ZZEF1: variants seen among roughly 807,000 people sequenced by gnomAD.
The protein encoded by ZZEF1 is zinc finger ZZ-type and EF-hand domain containing 1, also known as zinc finger ZZ-type and EF-hand domain-containing protein 1.
A neutral mutation model predicts 342.8 loss-of-function variants in ZZEF1; 157 were observed. The ratio of observed to expected loss-of-function variants is 0.46; its 90% CI spans 0.40 to 0.52. The LOEUF (loss-of-function observed/expected upper bound fraction) is 0.52. Ranked by LOEUF, ZZEF1 falls within the 20% of genes least tolerant of loss-of-function variation. ZZEF1 has a pLI of 0.00. For synonymous variants in ZZEF1, 1,505 were observed against 1,429.1 expected, an observed-to-expected ratio of 1.05 and a Z score of -1.20; for missense variants, 3,480 against 3,725.6, an observed-to-expected ratio of 0.93 and a Z score of 1.72.
In ZZEF1 at chr17:4,009,663, G is replaced by A. The variant is rs753428380; in HGVS notation, c.8674C>T (p.Leu2892Phe). The change falls in exon 53 of 55, where the codon CTC becomes TTC. Residue 2892 changes from leucine (L) to phenylalanine (F), a missense_variant. Around this residue, in one of 5 missense-constraint regions of ZZEF1, gnomAD observed 1,269 missense variants for 1,342.4 expected, o/e 0.95. Coordinates refer to ENST00000381638, the MANE Select transcript of ZZEF1 (RefSeq NM_015113.4). The part of the protein sequence containing the change: ...LFEDVTQPGI[L>F]LPLHRALTEL... ...GTGAGGGCACGATGCAGGGGAAGGA[G>A]GATGCCGGGCTGCGTCACGTCCTCA... 2.5e-6 allele frequency: 4 copies of A among 1,614,136 alleles called. No homozygotes were observed.
intron 36 of ZZEF1, among the ~76,000 whole-genome samples, chr17:4,050,389 A>G (rs1453543125): frequency 1.3e-5 from 2 of 152,208 alleles, no homozygotes; most frequent in Non-Finnish European, 2.9e-5. Flanking sequence ...ATATTGCTAA[A>G]CTATTTTACT....
intron 5 of ZZEF1, among the ~76,000 whole-genome samples, chr17:4,111,076 T>C (rs1208345519): frequency 6.6e-6 from 1 of 152,282 alleles, no homozygotes; most frequent in Non-Finnish European, 1.5e-5. Flanking sequence ...CTCTAAAAAA[T>C]TACAAAAGAA....
chr17:4,100,309 T>C (rs536552204), intron 9 of ZZEF1, among the ~76,000 whole-genome samples: 2 of 152,308 alleles, frequency 1.3e-5, no homozygotes, highest in South Asian at 4.1e-4. Flanking sequence ...TTACAAGCAA[T>C]AGATAGTGAT....
chr17:4,007,631 G>A (rs557590605), intron 54 of ZZEF1, among the ~76,000 whole-genome samples: 7 of 152,266 alleles, frequency 4.6e-5, no homozygotes, highest in South Asian at 2.1e-4. Context: ...TCAAAATTTC[G>A]TTACATGATG....
At chr17:4,092,987 T>C (rs941833065) in intron 11 of ZZEF1, among the ~76,000 whole-genome samples, 2 of 140,884 alleles carry the variant, frequency 1.4e-5, no homozygotes, top group Non-Finnish European at 3.1e-5. Context: ...AAAAAGAAAA[T>C]GCATGCACAT....
Position 4,105,816 on chromosome 17 carries a change from G to A in ZZEF1, c.1278-7C>T. On this transcript the variant is annotated splice_region_variant and splice_polypyrimidine_tract_variant and intron_variant, in intron 6 of 54. Coordinates refer to ENST00000381638, the MANE Select transcript of ZZEF1 (RefSeq NM_015113.4). ...CATGTGCCGCAGCGCCTTCCTAGAA[G>A]AGGAAAATGTAAAATGTAATCAGAA... The A allele has an allele frequency of 6.3e-7, 1 of 1,591,542 alleles. No individual in the cohort carries two copies. The highest frequency in any genetic ancestry group is 2.2e-5 in the East Asian group (1 of 44,502).
intron 26 of ZZEF1, among the ~76,000 whole-genome samples, chr17:4,068,339 G>A (rs577371881): frequency 2.6e-5 from 4 of 152,070 alleles, no homozygotes; most frequent in Non-Finnish European, 5.9e-5. Context: ...GTGCAATGGC[G>A]CGATCTTGGC....
intron 1 of ZZEF1, among the ~76,000 whole-genome samples, chr17:4,125,388 A>G (rs2058557785): frequency 6.6e-6 from 1 of 152,190 alleles, no homozygotes; most frequent in African/African-American, 2.4e-5. Context: ...ACTAACATAA[A>G]TACCCCTATT....
chr17:4,119,073 T>C (rs62071008), intron 2 of ZZEF1, among the ~76,000 whole-genome samples: 1,567 of 152,250 alleles, frequency 0.01, 12 homozygotes, highest in Non-Finnish European at 0.014. Context: ...TGAAGGCAAA[T>C]TGCTTCTGGT....
chr17:4,011,035 C>T (rs1310617128), intron 52 of ZZEF1, among the ~76,000 whole-genome samples: 1 of 151,538 alleles, frequency 6.6e-6, no homozygotes, highest in Non-Finnish European at 1.5e-5. Context: ...GCTGCAGTGG[C>T]TATGATGGTG....
chr17:4,067,219 G>A lies in ZZEF1; in HGVS notation c.4099C>T (p.Leu1367=). Residue 1367 remains leucine, a synonymous_variant, in exon 27 of 55, where the codon CTG becomes TTG. Transcript: ENST00000381638. ...TAAACCTGGGCAAACTCTTCACTCAGGGCTATTTTGCCCCCACTGTTGACT... is the reference window on the plus strand; with the variant it reads ...TAAACCTGGGCAAACTCTTCACTCAAGGCTATTTTGCCCCCACTGTTGACT... ...KYVNSGGKIA[L]SEEFAQVYSL... 1.2e-6 allele frequency: 2 copies of A among 1,613,110 alleles called. No individual in the cohort carries two copies. The highest frequency in any genetic ancestry group is 2.7e-5 in the African/African-American group (2 of 74,960).
Position 4,067,061 on chromosome 17 carries a change from C to G in ZZEF1, c.4155+102G>C. 3.1e-6 allele frequency: 3 copies of G among 973,884 alleles called. No homozygotes were observed. In the Admixed American group the frequency reaches 8.2e-5, roughly 27 times the overall value. The allele number at this position is 973,884 out of a possible 1,614,324, so 60.3% of individuals were successfully genotyped here. On this transcript the variant is annotated intron_variant, in intron 27 of 54. Transcript: ENST00000381638. Reference sequence around the variant, plus strand: ...CACTAAACTTTAGCTTAACAAAAATCCTAAAGCTATATTCTTGAGAAGAGA... The same window carrying G: ...CACTAAACTTTAGCTTAACAAAAATGCTAAAGCTATATTCTTGAGAAGAGA...
At chr17:4,113,704 T>C (rs1298725901) in intron 4 of ZZEF1, among the ~76,000 whole-genome samples, 1 of 150,386 alleles carries the variant, frequency 6.6e-6, no homozygotes, top group East Asian at 1.9e-4. Flanking sequence ...CCGGGTGCAG[T>C]GGCTCACACC....
rs186182078 is a variant in ZZEF1 at position 4,122,442 on chromosome 17, G to A, written c.499+1465C>T. On this transcript the variant is annotated intron_variant, in intron 2 of 54. Coordinates refer to ENST00000381638, the MANE Select transcript of ZZEF1 (RefSeq NM_015113.4). ...TGCCCAGGCTGGAGTGCAATGGTGC[G>A]ATCTCAGCTCACTGCAACCACCACC... is the stretch of plus-strand genomic sequence containing the variant. 2.5e-3 allele frequency among the ~76,000 whole-genome samples: 375 copies of A among 151,434 alleles called. 5 individuals carry two copies. Among genetic ancestry groups the A allele is most frequent in the Admixed American group, 0.021 (324 of 15,216 alleles).
intron 1 of ZZEF1, among the ~76,000 whole-genome samples, chr17:4,127,143 C>T (rs2058585243): frequency 6.6e-6 from 1 of 151,994 alleles, no homozygotes; most frequent in African/African-American, 2.4e-5. Context: ...GTAGCTGGGA[C>T]TACAGGCGTT....
At chr17:4,018,278 A>G (rs990146935) in intron 46 of ZZEF1, among the ~76,000 whole-genome samples, 4 of 151,114 alleles carry the variant, frequency 2.6e-5, no homozygotes, top group Non-Finnish European at 4.4e-5. Flanking sequence ...AAAAAAATTT[A>G]TTTGTTTTTT....
chr17:4,033,963 C>T lies in ZZEF1; in HGVS notation c.6584+52G>A, dbSNP rs755014636. The T allele has an allele frequency of 2.5e-6, 4 of 1,595,730 alleles. No individual in the cohort carries two copies. In the Admixed American group the frequency reaches 5.1e-5, roughly 20 times the overall value. On this transcript the variant is annotated intron_variant, in intron 40 of 54. Transcript: ENST00000381638. ...CAGACCTTCAACTTAAACAAATAAA[C>T]ACCAAGGTGGGATAGAGGGCAGGTG...
chr17:4,050,868 G>T lies in ZZEF1; in HGVS notation c.5776C>A (p.Pro1926Thr). ...AEDVDGEKLD[P>T]QTRSSATTLR... ...GTGGTGGCACTGCTGCGCGTCTGGG[G>T]GTCCAGCTTCTCCCCATCCACATCC... Residue 1926 changes from proline to threonine, a missense_variant, in exon 36 of 55, where the codon CCC (proline) becomes ACC (threonine). Pro to Thr is a conservative substitution (Grantham distance 38). Transcript: ENST00000381638. 6.2e-7 allele frequency: 1 copy of T among 1,614,216 alleles called. No individual in the cohort carries two copies. The highest frequency in any genetic ancestry group is 1.1e-5 in the South Asian group (1 of 91,086).
intron 6 of ZZEF1, among the ~76,000 whole-genome samples, chr17:4,108,288 G>A (rs1210978350): frequency 3.9e-5 from 6 of 152,324 alleles, no homozygotes; most frequent in Non-Finnish European, 8.8e-5. Flanking sequence ...TCACTTCTAT[G>A]ATATTCCTGC....
Sources: allele counts gnomAD v4.1 joint callset (sites outside exome capture counted in the v4.1 genomes callset), GRCh38; gene constraint gnomAD v4.1.1; regional missense constraint gnomAD v4.1.1; transcripts MANE v1.5; gene names NCBI Gene and HGNC (gene_info 2026-07-23, HGNC 2026-07-21).